The following FGF10 variants were observed in gnomAD, a reference collection of about 807,000 sequenced individuals.
FGF10 encodes FGF-10.
A neutral mutation model predicts 19.8 loss-of-function variants in FGF10; 2 were observed. The observed-to-expected ratio is 0.10, with a 90% CI of 0.04 to 0.32. FGF10 has a LOEUF of 0.32. Among genes scored for constraint, FGF10 ranks in the 10% least tolerant of loss-of-function variants. The probability of loss-of-function intolerance (pLI) is 1.00; values close to 1 mark genes in which losing one functional copy is unlikely to be tolerated. For missense variants in FGF10, 191 were observed against 246.3 expected, an observed-to-expected ratio of 0.78 and a Z score of 1.50; for synonymous variants, 112 against 94.0, an observed-to-expected ratio of 1.19 and a Z score of -1.10.
intron 1 of FGF10, among the ~76,000 whole-genome samples, chr5:44,313,586 A>G (rs1253737783): frequency 1.8e-5 from 2 of 108,450 alleles, no homozygotes; most frequent in Non-Finnish European, 3.7e-5. Flanking sequence ...CTATAAAAAA[A>G]GGTTTTTTTT....
chr5:44,372,677 A>G (rs1741767577), intron 1 of FGF10, among the ~76,000 whole-genome samples: 1 of 152,192 alleles, frequency 6.6e-6, no homozygotes, highest in African/African-American at 2.4e-5. Context: ...ATTCTCCATT[A>G]CTGAGTCCAT....
intron 1 of FGF10, among the ~76,000 whole-genome samples, chr5:44,327,718 C>T (rs1158877334): frequency 1.3e-5 from 2 of 152,202 alleles, no homozygotes; most frequent in African/African-American, 2.4e-5. Context: ...TTTGCCTTCT[C>T]AGTCATTCAA....
At chr5:44,383,062 A>G (rs1014812530) in intron 1 of FGF10, among the ~76,000 whole-genome samples, 2 of 152,144 alleles carry the variant, frequency 1.3e-5, no homozygotes, top group South Asian at 4.1e-4. Flanking sequence ...AAGCATACAG[A>G]CATTAAGGCT....
At position 44,303,407 on chromosome 5, in the gene FGF10, A is replaced by C. The variant is rs375134797; in HGVS notation, c.*1588T>G. ...TGTACCAAAATACTGTGTCCAAACA[A>C]TAAAATGCTTTTTCAAAACAAGAAA... On this transcript the variant is annotated 3_prime_UTR_variant, in exon 3 of 3. Transcript: ENST00000264664. The C allele has an allele frequency of 1.1e-4, 16 of 152,292 alleles. No individual in the cohort carries two copies. In the East Asian group the frequency reaches 2.9e-3, roughly 28 times the overall value. The allele number at this position is 152,292 out of a possible 1,614,324, so 9.4% of individuals were successfully genotyped here. A position where few individuals can be genotyped will look rare whatever the true frequency, so the allele number is the denominator to read the frequency against.
At chr5:44,373,303 C>G (rs758129440) in intron 1 of FGF10, among the ~76,000 whole-genome samples, 3 of 152,152 alleles carry the variant, frequency 2.0e-5, no homozygotes, top group African/African-American at 7.2e-5. Flanking sequence ...GTACCCTTAG[C>G]CTTCTCTTCA....
At chr5:44,344,568 C>CTGTGTGTG (rs1166640935) in intron 1 of FGF10, among the ~76,000 whole-genome samples, 11,463 of 126,750 alleles carry the variant, frequency 0.09, 645 homozygotes, top group Middle Eastern at 0.13. Context: ...TTTGTTTTCT[C>CTGTGTGTG]TGTGTGTGTG....
intron 1 of FGF10, among the ~76,000 whole-genome samples, chr5:44,357,678 A>T (rs1366132479): frequency 6.6e-6 from 1 of 151,448 alleles, no homozygotes; most frequent in East Asian, 1.9e-4. Flanking sequence ...CTTAACCATT[A>T]TGCTATTTTG....
chr5:44,329,878 C>T (rs923801737), intron 1 of FGF10, among the ~76,000 whole-genome samples: 3 of 152,154 alleles, frequency 2.0e-5, no homozygotes, highest in African/African-American at 7.2e-5. Context: ...AATTCCTCTT[C>T]CTATAATAGG....
chr5:44,366,032 G>T (rs1238705644), intron 1 of FGF10, among the ~76,000 whole-genome samples: 1 of 148,744 alleles, frequency 6.7e-6, no homozygotes, highest in Admixed American at 6.7e-5. Flanking sequence ...TTGATCTTTT[G>T]AAATTGCTCT....
intron 1 of FGF10, among the ~76,000 whole-genome samples, chr5:44,356,586 T>C (rs1741352296): frequency 6.6e-6 from 1 of 151,400 alleles, no homozygotes; most frequent in Non-Finnish European, 1.5e-5. Context: ...CCTTTTCTAA[T>C]ATCGGTGTCC....
intron 1 of FGF10, among the ~76,000 whole-genome samples, chr5:44,357,750 T>A (rs1388018946): frequency 6.6e-6 from 1 of 151,468 alleles, no homozygotes; most frequent in Non-Finnish European, 1.5e-5. Flanking sequence ...GGCAAAATTC[T>A]CCTGCTTTTC....
At chr5:44,312,762 C>T (rs1253526863) in intron 1 of FGF10, among the ~76,000 whole-genome samples, 4 of 151,992 alleles carry the variant, frequency 2.6e-5, no homozygotes, top group African/African-American at 9.7e-5. Context: ...CTTATGTATA[C>T]TTTTGAAACT....
chr5:44,375,758 C>A (rs897654897), intron 1 of FGF10, among the ~76,000 whole-genome samples: 2 of 151,866 alleles, frequency 1.3e-5, no homozygotes, highest in Non-Finnish European at 2.9e-5. Flanking sequence ...TAATAAAATG[C>A]CAGAACAAGA....
At chr5:44,363,109 G>T (rs1741528093) in intron 1 of FGF10, among the ~76,000 whole-genome samples, 1 of 151,690 alleles carries the variant, frequency 6.6e-6, no homozygotes, top group Non-Finnish European at 1.5e-5. Flanking sequence ...TAGTTTTTGT[G>T]AAAAACAACA....
intron 1 of FGF10, among the ~76,000 whole-genome samples, chr5:44,341,538 T>C (rs1279778639): frequency 1.3e-5 from 2 of 151,864 alleles, no homozygotes; most frequent in Admixed American, 1.3e-4. Context: ...AGTAGGTAAG[T>C]TATTTTAGTC....
At chr5:44,351,589 C>T (rs939594082) in intron 1 of FGF10, among the ~76,000 whole-genome samples, 2 of 151,654 alleles carry the variant, frequency 1.3e-5, no homozygotes, top group African/African-American at 4.8e-5. Context: ...GTAAACTTTT[C>T]CTCTGAAAAC....
chr5:44,344,171 G>C (rs954285611), intron 1 of FGF10, among the ~76,000 whole-genome samples: 4 of 151,912 alleles, frequency 2.6e-5, no homozygotes, highest in African/African-American at 7.2e-5. Context: ...AGAACAGAGA[G>C]ACAGGTGAGA....
In FGF10 at chr5:44,351,204, C is replaced by G. The variant is rs550621138; in HGVS notation, c.325+37154G>C. Among the ~76,000 whole-genome samples, 3 of 151,594 alleles carry G rather than the reference C, an allele frequency of 2.0e-5. No homozygotes were observed. In the South Asian group the frequency reaches 6.2e-4, roughly 31 times the overall value. On this transcript the variant is annotated intron_variant, in intron 1 of 2. Coordinates refer to ENST00000264664, the MANE Select transcript of FGF10 (RefSeq NM_004465.2). ...TTTCTTATTTATCTCATTCAAAATACACTAATCAGATACAAAAGACATGCT... is the reference window on the plus strand; with the variant it reads ...TTTCTTATTTATCTCATTCAAAATAGACTAATCAGATACAAAAGACATGCT...
intron 1 of FGF10, among the ~76,000 whole-genome samples, chr5:44,381,626 A>G (rs1449970201): frequency 2.6e-5 from 4 of 152,212 alleles, no homozygotes; most frequent in African/African-American, 9.6e-5. Flanking sequence ...CTTGAATTGT[A>G]AAGACTCTAT....
Sources: allele counts gnomAD v4.1 joint callset (sites outside exome capture counted in the v4.1 genomes callset), GRCh38; gene constraint gnomAD v4.1.1; transcripts MANE v1.5; gene names NCBI Gene and HGNC (gene_info 2026-07-23, HGNC 2026-07-21).